MCMDC2: variants seen among roughly 807,000 people sequenced by gnomAD.
MCMDC2 encodes the protein minichromosome maintenance domain-containing protein 2.
Under a neutral mutation model 75.8 loss-of-function variants are expected in MCMDC2, and 54 were observed. The ratio of observed to expected loss-of-function variants is 0.71; its 90% CI spans 0.57 to 0.89. The LOEUF (loss-of-function observed/expected upper bound fraction) is 0.89, where lower values mean the gene tolerates loss of function less well. MCMDC2 is among the 40% of genes least tolerant of loss of function. The pLI is 0.00. For missense variants in MCMDC2, 656 were observed against 780.4 expected (o/e 0.84, Z 1.90); for synonymous variants, 249 against 274.6 (o/e 0.91, Z 0.92).
At chr8:66,884,870 G>T (rs1206608178) in intron 9 of MCMDC2, among the ~76,000 whole-genome samples, 1 of 151,944 alleles carries the variant, frequency 6.6e-6, no homozygotes, top group East Asian at 1.9e-4. Flanking sequence ...TCAACCTCCT[G>T]GGCTCAAGTG....
In MCMDC2 at chr8:66,874,149, TC is replaced by T. The variant is rs866408583; in HGVS notation, c.10del (p.Leu4Ter). ...ATATTAACCAGGAGAAAATGTCAAATCTAAAAATGAAAGAGGCGGCCCTCAT... is the reference window on the plus strand; with the variant it reads ...ATATTAACCAGGAGAAAATGTCAAATTAAAAATGAAAGAGGCGGCCCTCAT... MSN[L>X]KMKEAALIYL... On this transcript the variant is annotated frameshift_variant, in exon 2 of 15. Coordinates refer to ENST00000422365, the MANE Select transcript of MCMDC2 (RefSeq NM_173518.5). LOFTEE classifies it high-confidence loss of function. 6.1e-5 allele frequency: 97 copies of T among 1,590,024 alleles called. No homozygotes were observed. The highest frequency in any genetic ancestry group is 7.0e-5 in the Non-Finnish European group (82 of 1,172,932).
chr8:66,880,832 G>A lies in MCMDC2; in HGVS notation c.710-17G>A, dbSNP rs756256864. Reference sequence around the variant, plus strand: ...ATTTAGTGAATATGTATTTTCTTCTGTCTTTAATAATTTTAGATGAATCAG... The same window carrying A: ...ATTTAGTGAATATGTATTTTCTTCTATCTTTAATAATTTTAGATGAATCAG... On this transcript the variant is annotated splice_polypyrimidine_tract_variant and intron_variant, in intron 7 of 14. Transcript: ENST00000422365. The A allele has an allele frequency of 6.6e-7, 1 of 1,516,314 alleles. No homozygotes were observed. Among genetic ancestry groups the A allele is most frequent in the East Asian group, 2.4e-5 (1 of 41,636 alleles). The allele number at this position is 1,516,314 out of a possible 1,614,324, so 93.9% of individuals were successfully genotyped here. A position where few individuals can be genotyped will look rare whatever the true frequency, so the allele number is the denominator to read the frequency against.
At chr8:66,901,697 C>T (rs1282235495) in intron 13 of MCMDC2, 14 of 932,842 alleles carry the variant, frequency 1.5e-5, no homozygotes, top group African/African-American at 1.8e-5. Flanking sequence ...TTTGGGAGTC[C>T]GAGAGGGCAG....
chr8:66,878,682 T>A lies in MCMDC2; in HGVS notation c.590T>A (p.Phe197Tyr). The change falls in exon 6 of 15, where the codon TTT becomes TAT. Residue 197 changes from phenylalanine to tyrosine, a missense_variant. Physicochemically the swap from Phe to Tyr is conservative, Grantham distance 22. Coordinates refer to ENST00000422365, the MANE Select transcript of MCMDC2 (RefSeq NM_173518.5). ...TCTTCACTTCAAGAAGACAGAAAAT[T>A]TAGAGTACTTGGTGGTAATATGCAT... ...CASSLQEDRK[F>Y]RVLGDKQIVE... 6.4e-7 allele frequency: 1 copy of A among 1,567,310 alleles called. No individual in the cohort carries two copies. Among genetic ancestry groups the A allele is most frequent in the Non-Finnish European group, 8.6e-7 (1 of 1,163,886 alleles).
At position 66,883,768 on chromosome 8, in the gene MCMDC2, AT is replaced by A; in HGVS notation, c.849del (p.Ser284ValfsTer10). ...ATATTTACTTTCAGTTCCTTCAGGA[AT>A]TAGTGACAACTTCAGGTGTCTCCTC... ...TFCNSKVPSG[I>X]SDNFRCLLSL... is the part of the protein sequence containing the mutation. On this transcript the variant is annotated frameshift_variant, in exon 9 of 15. Transcript: ENST00000422365. LOFTEE classifies it high-confidence loss of function. 1 of 1,598,806 alleles carries A rather than the reference AT, an allele frequency of 6.3e-7. No homozygotes were observed.
In MCMDC2 at chr8:66,874,463, C is replaced by T. The variant is rs1041276251; in HGVS notation, c.225+7C>T. 4.3e-6 allele frequency: 7 copies of T among 1,610,496 alleles called. No homozygotes were observed. The highest frequency in any genetic ancestry group is 2.2e-5 in the South Asian group (2 of 89,820). On this transcript the variant is annotated splice_region_variant and intron_variant, in intron 3 of 14. Transcript: ENST00000422365. The stretch of plus-strand genomic sequence containing the variant: ...TGCTGAAGTCTTTCAATCAGTAAGT[C>T]AAAAAAAGAAATAATTTTATGCCAC...
chr8:66,923,070 T>C (rs1813612743), downstream of MCMDC2, among the ~76,000 whole-genome samples: 1 of 152,212 alleles, frequency 6.6e-6, no homozygotes, highest in East Asian at 1.9e-4. Context: ...TCCTTCACTG[T>C]GGCAGTTTTG....
At chr8:66,878,467 GAAAA>G in intron 5 of MCMDC2, 103 bp from the exon 6 acceptor site, 1 of 1,103,284 alleles carries the variant, frequency 9.1e-7, no homozygotes, top group Admixed American at 3.1e-5. Context: ...AGTAATAAAA[GAAAA>G]AAGAAAATAT....
intron 10 of MCMDC2, among the ~76,000 whole-genome samples, chr8:66,895,639 T>TC (rs1415566277): frequency 3.3e-5 from 5 of 151,998 alleles, no homozygotes; most frequent in African/African-American, 1.2e-4. Context: ...GCTCAAGCAA[T>TC]CCCCCCGTGT....
chr8:66,917,546 G>A (rs776499455), intron 14 of MCMDC2, among the ~76,000 whole-genome samples: 8 of 152,072 alleles, frequency 5.3e-5, no homozygotes, highest in East Asian at 3.8e-4. Context: ...CTGAAACTGC[G>A]TACCCATTAA....
At chr8:66,924,045 AG>A (rs758819506), downstream of MCMDC2, among the ~76,000 whole-genome samples, 2 of 152,154 alleles carry the variant, frequency 1.3e-5, no homozygotes, top group Non-Finnish European at 2.9e-5. Context: ...GTAATATTAT[AG>A]TTCTCAAATG....
intron 9 of MCMDC2, among the ~76,000 whole-genome samples, chr8:66,887,049 GTGTT>G (rs1374775148): frequency 1.3e-5 from 2 of 152,096 alleles, no homozygotes; most frequent in African/African-American, 4.8e-5. Flanking sequence ...TTTTTATAAA[GTGTT>G]TGTTCATTTG....
At chr8:66,893,419 T>C (rs1306131449) in intron 10 of MCMDC2, among the ~76,000 whole-genome samples, 2 of 152,216 alleles carry the variant, frequency 1.3e-5, no homozygotes, top group South Asian at 2.1e-4. Flanking sequence ...ATACCTGAGA[T>C]TGGACAATTT....
intron 9 of MCMDC2, among the ~76,000 whole-genome samples, chr8:66,886,391 C>G (rs1367785385): frequency 6.6e-6 from 1 of 152,110 alleles, no homozygotes; most frequent in Non-Finnish European, 1.5e-5. Context: ...TCTCGAACTC[C>G]TGACCTCAGG....
In MCMDC2 at chr8:66,901,219, C is replaced by T. The variant is rs1421915420; in HGVS notation, c.1640C>T (p.Ala547Val). 1.7e-5 allele frequency: 28 copies of T among 1,612,696 alleles called. No individual in the cohort carries two copies. The highest frequency in any genetic ancestry group is 2.1e-5 in the Non-Finnish European group (25 of 1,179,562). Residue 547 changes from alanine to valine, a missense_variant, in exon 13 of 15, where the codon GCA (alanine) becomes GTA (valine). Physicochemically the swap from Ala to Val is moderately conservative, Grantham distance 64 (BLOSUM62 0). Coordinates refer to ENST00000422365, the MANE Select transcript of MCMDC2 (RefSeq NM_173518.5). ...CACACTTTTTAGCTATTGGCTTTTG[C>T]AAAGAATTTGAATGTAGAATTCAGC... ...TEDFEKLLAFAKNLNVEFSLE... is the reference protein window; with the variant it reads ...TEDFEKLLAFVKNLNVEFSLE...
chr8:66,910,926 C>T (rs1813091203), intron 14 of MCMDC2, among the ~76,000 whole-genome samples: 3 of 152,150 alleles, frequency 2.0e-5, no homozygotes, highest in Admixed American at 2.0e-4. Context: ...ATGCCTGTAC[C>T]CCTGTGGTAT....
intron 9 of MCMDC2, among the ~76,000 whole-genome samples, 154 bp from the exon 10 acceptor site, chr8:66,890,711 G>C (rs555609191): frequency 6.6e-6 from 1 of 152,190 alleles, no homozygotes; most frequent in South Asian, 2.1e-4. Context: ...AGTAGAGACG[G>C]GATTTTACCA....
chr8:66,898,189 T>TA (rs1563381699), intron 12 of MCMDC2, among the ~76,000 whole-genome samples: 1 of 152,218 alleles, frequency 6.6e-6, no homozygotes, highest in East Asian at 1.9e-4. Context: ...CCCATTTTTT[T>TA]ACCTGAGAAG....
At chr8:66,925,041 T>C (rs1813677227), downstream of MCMDC2, among the ~76,000 whole-genome samples, 1 of 152,298 alleles carries the variant, frequency 6.6e-6, no homozygotes, top group South Asian at 2.1e-4. Flanking sequence ...CCTAAGAGCC[T>C]GAAACCGCCA....
Sources: gnomAD v4.1 joint callset for allele counts (sites outside exome capture counted in the v4.1 genomes callset) on GRCh38, gnomAD v4.1.1 for gene constraint, MANE v1.5 for transcripts, NCBI Gene and HGNC (gene_info 2026-07-23, HGNC 2026-07-21) for gene names.